EDARADD: variants seen among roughly 807,000 people sequenced by gnomAD.
The protein encoded by EDARADD is EDAR associated via death domain.
Under a neutral mutation model 25.6 loss-of-function variants are expected in EDARADD, and 20 were observed. The ratio of observed to expected loss-of-function variants is 0.78; its 90% CI spans 0.55 to 1.14. The LOEUF (loss-of-function observed/expected upper bound fraction) is 1.14. Ranked by LOEUF, EDARADD falls within the 50% of genes most tolerant of loss-of-function variation. EDARADD has a pLI of 0.00. For synonymous variants in EDARADD, 86 were observed against 94.4 expected (o/e 0.91, Z 0.52); for missense variants, 225 against 270.1 (o/e 0.83, Z 1.17).
At chr1:236,470,017 C>T (rs181462695) in intron 5 of EDARADD, among the ~76,000 whole-genome samples, 1 of 152,074 alleles carries the variant, frequency 6.6e-6, no homozygotes, top group Admixed American at 6.6e-5. Flanking sequence ...AAGCTTTTCT[C>T]GAACCCCTGA....
intron 5 of EDARADD, among the ~76,000 whole-genome samples, chr1:236,476,936 G>C (rs1659524276): frequency 6.6e-6 from 1 of 151,156 alleles, no homozygotes. Flanking sequence ...AGGCTGCAGT[G>C]AGCCATAATT....
intron 3 of EDARADD, among the ~76,000 whole-genome samples, chr1:236,388,450 G>C (rs929953744): frequency 2.0e-5 from 3 of 152,140 alleles, no homozygotes. Context: ...AGTTAGCATT[G>C]AATCTGTAGA....
At chr1:236,458,157 T>G (rs1416493677) in intron 4 of EDARADD, among the ~76,000 whole-genome samples, 1 of 152,264 alleles carries the variant, frequency 6.6e-6, no homozygotes, top group Non-Finnish European at 1.5e-5. Flanking sequence ...TTCACACTCC[T>G]GTCTAGCAAT....
intron 4 of EDARADD, among the ~76,000 whole-genome samples, chr1:236,450,296 AAAT>A (rs71807819): frequency 6.6e-6 from 1 of 151,430 alleles, no homozygotes; most frequent in South Asian, 2.1e-4. Flanking sequence ...TCTGTCTCTA[AAAT>A]AATAATAATA....
chr1:236,361,471 A>G (rs1419646490), intron 3 of EDARADD, among the ~76,000 whole-genome samples: 1 of 150,010 alleles, frequency 6.7e-6, no homozygotes, highest in African/African-American at 2.4e-5. Flanking sequence ...CTGGAATTAC[A>G]GGTGCCCACC....
intron 2 of EDARADD, among the ~76,000 whole-genome samples, chr1:236,409,559 T>G (rs1017885616): frequency 6.6e-6 from 1 of 152,016 alleles, no homozygotes; most frequent in Non-Finnish European, 1.5e-5. Context: ...TTTTATTTCA[T>G]TTTTCATTTT....
Position 236,484,618 on chromosome 1 carries a change from C to T in EDARADD, c.*1969C>T, listed in dbSNP as rs1659780021. On this transcript the variant is annotated 3_prime_UTR_variant, in exon 6 of 6. Transcript: ENST00000334232. The surrounding 1 kb of genome is among the most constrained non-coding windows in gnomAD (Gnocchi z 4.1). ...GCCCACCGCCGTGGAGTTCGCACCT[C>T]TTCCTTAGAACTTCTACAGAAGCAG... 8 of 569,396 alleles carry T rather than the reference C, an allele frequency of 1.4e-5. No homozygotes were observed. Among genetic ancestry groups the T allele is most frequent in the South Asian group, 1.1e-4 (6 of 53,274 alleles). The allele number at this position is 569,396 out of a possible 1,614,324, so 35.3% of individuals were successfully genotyped here.
intron 1 of EDARADD, among the ~76,000 whole-genome samples, chr1:236,408,310 C>T (rs1319687599): frequency 1.3e-5 from 2 of 152,114 alleles, no homozygotes; most frequent in Non-Finnish European, 2.9e-5. Flanking sequence ...TCAAGCTATT[C>T]TTCTGCCTCA....
At chr1:236,392,327 G>C (rs925580808), upstream of EDARADD, among the ~76,000 whole-genome samples, 9 of 152,052 alleles carry the variant, frequency 5.9e-5, no homozygotes, top group African/African-American at 2.2e-4. Flanking sequence ...CCTTAGTTTA[G>C]GTTTGTTTGT....
intron 3 of EDARADD, among the ~76,000 whole-genome samples, chr1:236,353,429 C>A (rs910868443): frequency 5.3e-5 from 8 of 152,130 alleles, no homozygotes; most frequent in Non-Finnish European, 1.2e-4. Flanking sequence ...CACCTGTAAT[C>A]CCAGCACTTT....
chr1:236,455,848 T>G lies in EDARADD; in HGVS notation c.220-12383T>G, dbSNP rs1233151904. ...TCTGTCACCCAGGCTGGAGAGCAGT[T>G]GCGCGATCTTTGCTCACTGCAACCT... On this transcript the variant is annotated intron_variant, in intron 4 of 5. Transcript: ENST00000334232. Among the ~76,000 whole-genome samples the G allele has an allele frequency of 2.2e-4, 34 of 152,028 alleles. 1 individual carries two copies. The highest frequency in any genetic ancestry group is 8.2e-4 in the African/African-American group (34 of 41,386).
At chr1:236,447,233 C>CTTTTCTTTCTTTCTTTCTTTCTTT (rs59368020) in intron 4 of EDARADD, among the ~76,000 whole-genome samples, 3 of 104,706 alleles carry the variant, frequency 2.9e-5, no homozygotes, top group African/African-American at 1.3e-4. Flanking sequence ...TCCTTTCTTT[C>CTTTTCTTTCTTTCTTTCTTTCTTT]CTTTCTTTCC....
At chr1:236,380,825 G>A (rs1333535416) in intron 3 of EDARADD, among the ~76,000 whole-genome samples, 3 of 152,176 alleles carry the variant, frequency 2.0e-5, no homozygotes, top group Non-Finnish European at 4.4e-5. Flanking sequence ...CTGGCCTCAA[G>A]TGATCTTCTC....
chr1:236,483,753 A>C lies in EDARADD; in HGVS notation c.*1104A>C. The C allele has an allele frequency of 6.7e-7, 1 of 1,499,274 alleles. No homozygotes were observed. Among genetic ancestry groups the C allele is most frequent in the Non-Finnish European group, 9.3e-7 (1 of 1,077,356 alleles). The allele number at this position is 1,499,274 out of a possible 1,614,324, so 92.9% of individuals were successfully genotyped here. ...TTACCACAGCCTGAAGAATGTCATC[A>C]AGGAGAAATATGGGAAAGATGCCAC... On this transcript the variant is annotated 3_prime_UTR_variant, in exon 6 of 6. Coordinates refer to ENST00000334232, the MANE Select transcript of EDARADD (RefSeq NM_145861.4).
chr1:236,429,272 T>A (rs1259861791), intron 4 of EDARADD, among the ~76,000 whole-genome samples: 1 of 149,770 alleles, frequency 6.7e-6, no homozygotes, highest in Non-Finnish European at 1.5e-5. Context: ...AGTGGTGCGA[T>A]CTCGGCTCAC....
At chr1:236,462,858 A>C (rs74468127) in intron 4 of EDARADD, among the ~76,000 whole-genome samples, 2 of 152,198 alleles carry the variant, frequency 1.3e-5, no homozygotes, top group African/African-American at 4.8e-5. Context: ...TATAAAACAT[A>C]GGTGTTCCAC....
Position 236,427,399 on chromosome 1 carries a change from A to G in EDARADD, c.168A>G (p.Glu56=). 6.2e-7 allele frequency: 1 copy of G among 1,609,148 alleles called. No homozygotes were observed. The highest frequency in any genetic ancestry group is 8.5e-7 in the Non-Finnish European group (1 of 1,178,364). ...IQDTELPKAE[E]CDTITLNCPR... ...TCTTTTTTTTTTTCCTAGCTGAAGA[A>G]TGTGATACAATTACTTTGAACTGCC... Residue 56 remains glutamate, a synonymous_variant, in exon 4 of 6, where the codon GAA becomes GAG. Transcript: ENST00000334232.
At chr1:236,405,867 T>TTCCC (rs1571915367) in intron 1 of EDARADD, among the ~76,000 whole-genome samples, 5 of 60,840 alleles carry the variant, frequency 8.2e-5, no homozygotes, top group African/African-American at 3.4e-4. Context: ...CCTTCCTTCC[T>TTCCC]TCCTTCCTTC....
intron 4 of EDARADD, among the ~76,000 whole-genome samples, chr1:236,428,103 G>A (rs1657976142): frequency 6.6e-6 from 1 of 151,918 alleles, no homozygotes; most frequent in African/African-American, 2.4e-5. Flanking sequence ...GGTTTTCCTA[G>A]GCAGAGGGCC....
Sources: allele counts gnomAD v4.1 joint callset (sites outside exome capture counted in the v4.1 genomes callset), GRCh38; gene constraint gnomAD v4.1.1; non-coding constraint Gnocchi (gnomAD v3.1); transcripts MANE v1.5; gene names NCBI Gene and HGNC (gene_info 2026-07-23, HGNC 2026-07-21).